Variants in BABAM2 observed in about 807,000 individuals in gnomAD.
BABAM2 encodes the protein BRISC and BRCA1-A complex member 2.
Under a neutral mutation model 54.7 loss-of-function variants are expected in BABAM2, and 31 were observed. The ratio of observed to expected loss-of-function variants is 0.57; its 90% confidence interval spans 0.43 to 0.77. The LOEUF (loss-of-function observed/expected upper bound fraction) is 0.77. BABAM2 is among the 30% of genes least tolerant of loss of function. The probability of loss-of-function intolerance (pLI) is 0.00; values close to 1 mark genes in which losing one functional copy is unlikely to be tolerated. For synonymous variants in BABAM2, 167 were observed against 162.9 expected (o/e 1.03, Z -0.19); for missense variants, 364 against 455.8 (o/e 0.80, Z 1.83).
At chr2:28,045,433 T>C (rs1287542294) in intron 5 of BABAM2, among the ~76,000 whole-genome samples, 1 of 152,212 alleles carries the variant, frequency 6.6e-6, no homozygotes. Context: ...CATTCATATA[T>C]TCTTTTCATA....
chr2:27,905,604 T>C (rs1666135056), intron 2 of BABAM2, among the ~76,000 whole-genome samples: 1 of 152,222 alleles, frequency 6.6e-6, no homozygotes, highest in Non-Finnish European at 1.5e-5. Flanking sequence ...GATATATTAT[T>C]ATTTCACTGT....
intron 6 of BABAM2, among the ~76,000 whole-genome samples, chr2:28,083,679 T>C (rs202042432): frequency 1.1e-4 from 17 of 152,180 alleles, no homozygotes; most frequent in African/African-American, 2.2e-4. Flanking sequence ...CCCTGGGAGA[T>C]TGATGAATAA....
chr2:28,101,686 A>G (rs896941310), intron 6 of BABAM2, among the ~76,000 whole-genome samples: 5 of 152,146 alleles, frequency 3.3e-5, no homozygotes, highest in Non-Finnish European at 7.4e-5. Flanking sequence ...TAGAATTTCT[A>G]CTGTTTGTGC....
chr2:28,295,147 C>A (rs1687580750), intron 10 of BABAM2, among the ~76,000 whole-genome samples: 2 of 152,066 alleles, frequency 1.3e-5, no homozygotes, highest in South Asian at 4.2e-4. Context: ...GGGAAAAAAT[C>A]ATTTTTTAGC....
intron 3 of BABAM2, among the ~76,000 whole-genome samples, chr2:27,930,605 A>C (rs527712179): frequency 6.6e-6 from 1 of 152,328 alleles, no homozygotes; most frequent in East Asian, 1.9e-4. Flanking sequence ...CAAAATTAAA[A>C]ACATGGAGTT....
chr2:28,000,018 G>C (rs1162720720), intron 4 of BABAM2, among the ~76,000 whole-genome samples: 1 of 152,116 alleles, frequency 6.6e-6, no homozygotes, highest in African/African-American at 2.4e-5. Context: ...TAGAATTGCT[G>C]CCAAGACAGT....
chr2:28,139,437 C>T (rs1670856449), intron 7 of BABAM2, among the ~76,000 whole-genome samples: 1 of 150,740 alleles, frequency 6.6e-6, no homozygotes, highest in Non-Finnish European at 1.5e-5. Flanking sequence ...GGTTTGGTGG[C>T]ATGCGCTTCT....
rs1437245182 is a variant in BABAM2, at chr2:28,151,826, T to C, written c.680+22446T>C. ...AATAGAAAATTCAATTCAAATCTTTTCTTGGAGAGAAGAGTTTCCAGGTCT... is the reference window on the plus strand; with the variant it reads ...AATAGAAAATTCAATTCAAATCTTTCCTTGGAGAGAAGAGTTTCCAGGTCT... On this transcript the variant is annotated intron_variant, in intron 7 of 11. Transcript: ENST00000379624. Among the ~76,000 whole-genome samples the C allele has an allele frequency of 2.0e-5, 3 of 152,336 alleles. No individual in the cohort carries two copies. The East Asian group carries it at 5.8e-4, about 29-fold the overall frequency.
chr2:28,015,175 T>C (rs1400140389), intron 4 of BABAM2, among the ~76,000 whole-genome samples: 2 of 152,184 alleles, frequency 1.3e-5, no homozygotes, highest in Non-Finnish European at 2.9e-5. Flanking sequence ...CTGTGAAGCA[T>C]GGCTGCTGTG....
chr2:28,019,118 C>T (rs1675068112), intron 4 of BABAM2, among the ~76,000 whole-genome samples: 1 of 152,122 alleles, frequency 6.6e-6, no homozygotes, highest in Non-Finnish European at 1.5e-5. Context: ...TTCTGTTCCT[C>T]TGTTAGCTTT....
intron 3 of BABAM2, among the ~76,000 whole-genome samples, chr2:27,980,542 G>A (rs117172116): frequency 6.6e-6 from 1 of 152,310 alleles, no homozygotes; most frequent in East Asian, 1.9e-4. Context: ...CAAAGAGGCT[G>A]TACAGTATTG....
chr2:27,889,209 C>T (rs1664641252), upstream of BABAM2, among the ~76,000 whole-genome samples: 1 of 152,140 alleles, frequency 6.6e-6, no homozygotes, highest in African/African-American at 2.4e-5. Context: ...TACATGAAGA[C>T]CCTAGACCTA....
At chr2:28,179,747 A>G (rs968986366) in intron 7 of BABAM2, among the ~76,000 whole-genome samples, 6 of 152,344 alleles carry the variant, frequency 3.9e-5, no homozygotes, top group East Asian at 3.9e-4. Context: ...CCACCAAAAA[A>G]TCTTAGCTGT....
chr2:28,088,221 G>A lies in BABAM2; in HGVS notation c.571-41050G>A, dbSNP rs548966185. On this transcript the variant is annotated intron_variant, in intron 6 of 11. Coordinates refer to ENST00000379624, the MANE Select transcript of BABAM2 (RefSeq NM_199191.3). Reference sequence around the variant, plus strand: ...CAATTCTACAGTAAAAAGTGTTTAAGAATACTCAGAAAACAAGTGTGTATC... The same window carrying A: ...CAATTCTACAGTAAAAAGTGTTTAAAAATACTCAGAAAACAAGTGTGTATC... Among the ~76,000 whole-genome samples, 189 of 152,098 alleles carry A rather than the reference G, an allele frequency of 1.2e-3. 2 individuals are homozygous for A. Among genetic ancestry groups the A allele is most frequent in the African/African-American group, 4.3e-3 (178 of 41,486 alleles).
rs1322782349 is a variant in BABAM2, at chr2:28,061,774, CT to C, written c.570+15986del. On this transcript the variant is annotated intron_variant, in intron 6 of 11. Coordinates refer to ENST00000379624, the MANE Select transcript of BABAM2 (RefSeq NM_199191.3). ...AGAAAACGTGATAAAATTTCAATAACTTTTTTTTTTTAAAAACCTGTGTTCT... is the reference window on the plus strand; with the variant it reads ...AGAAAACGTGATAAAATTTCAATAACTTTTTTTTTTAAAAACCTGTGTTCT... Among the ~76,000 whole-genome samples the C allele has an allele frequency of 6.6e-3, 977 of 148,338 alleles. 15 individuals carry two copies. The highest frequency in any genetic ancestry group is 0.022 in the African/African-American group (894 of 40,592).
At chr2:28,075,150 A>G (rs1664538010) in intron 6 of BABAM2, among the ~76,000 whole-genome samples, 1 of 152,202 alleles carries the variant, frequency 6.6e-6, no homozygotes, top group South Asian at 2.1e-4. Context: ...CGTTTTTAAT[A>G]CCGAGTGCAC....
intron 3 of BABAM2, among the ~76,000 whole-genome samples, chr2:27,984,263 GTAAC>G (rs1338105561): frequency 6.6e-6 from 1 of 151,868 alleles, no homozygotes; most frequent in Non-Finnish European, 1.5e-5. Flanking sequence ...TTTTCCTAAA[GTAAC>G]TAAAGTAAGC....
intron 3 of BABAM2, among the ~76,000 whole-genome samples, chr2:27,947,022 T>A (rs1669350077): frequency 6.6e-6 from 1 of 152,188 alleles, no homozygotes; most frequent in African/African-American, 2.4e-5. Context: ...CAATTTTATT[T>A]TTTTTTAAAT....
intron 4 of BABAM2, among the ~76,000 whole-genome samples, chr2:27,999,271 C>T (rs1673398230): frequency 1.3e-5 from 2 of 151,436 alleles, no homozygotes. Flanking sequence ...GCTTATTGTA[C>T]CTAAGGTGAT....
Sources: allele counts gnomAD v4.1 joint callset (sites outside exome capture counted in the v4.1 genomes callset), GRCh38; gene constraint gnomAD v4.1.1; transcripts MANE v1.5; gene names NCBI Gene and HGNC (gene_info 2026-07-23, HGNC 2026-07-21).